SPOPL: variants seen among roughly 807,000 people sequenced by gnomAD.
SPOPL encodes the protein speckle type BTB/POZ protein like.
Under a neutral mutation model 53.8 loss-of-function variants are expected in SPOPL, and 23 were observed. That is an observed-to-expected ratio of 0.43 (90% CI 0.31 to 0.61). The LOEUF (loss-of-function observed/expected upper bound fraction) is 0.61, where lower values mean the gene tolerates loss of function less well. Ranked by LOEUF, SPOPL falls within the 20% of genes least tolerant of loss-of-function variation. The pLI is 0.12. For synonymous variants in SPOPL, 164 were observed against 149.7 expected, an observed-to-expected ratio of 1.10 and a Z score of -0.70; for missense variants, 442 against 466.9, an observed-to-expected ratio of 0.95 and a Z score of 0.49.
At chr2:138,511,202 A>G (rs1270828446) in intron 1 of SPOPL, among the ~76,000 whole-genome samples, 1 of 152,206 alleles carries the variant, frequency 6.6e-6, no homozygotes, top group Non-Finnish European at 1.5e-5. Flanking sequence ...TGGTTTATGC[A>G]TTAATATTGT....
chr2:138,512,191 TATTG>T (rs1164033038), intron 1 of SPOPL, among the ~76,000 whole-genome samples: 24 of 152,348 alleles, frequency 1.6e-4, no homozygotes, highest in Non-Finnish European at 5.9e-5. Flanking sequence ...ATCATTAAAA[TATTG>T]ATTTGTCTTT....
At position 138,569,501 on chromosome 2, in the gene SPOPL, T is replaced by G. The variant is rs562048835; in HGVS notation, c.*421T>G. On this transcript the variant is annotated 3_prime_UTR_variant, in exon 11 of 11. Transcript: ENST00000280098. ...GTTTGTCCTATGCTATCTCAAAGTT[T>G]AAGTTCTCTTTAAAAGCACTTGTAT... The G allele has an allele frequency of 6.5e-6, 1 of 153,868 alleles. No individual in the cohort carries two copies. Among genetic ancestry groups the G allele is most frequent in the Admixed American group, 6.5e-5 (1 of 15,366 alleles). 9.5% of individuals were successfully genotyped at this position (153,868 alleles called of 1,614,324 possible).
chr2:138,547,844 G>A (rs1371138255), intron 1 of SPOPL, among the ~76,000 whole-genome samples: 4 of 152,052 alleles, frequency 2.6e-5, no homozygotes, highest in Non-Finnish European at 5.9e-5. Context: ...ATTTATAAAA[G>A]CAATGTCTTG....
At chr2:138,557,233 A>G (rs1231028678) in intron 5 of SPOPL, among the ~76,000 whole-genome samples, 1 of 152,176 alleles carries the variant, frequency 6.6e-6, no homozygotes, top group Non-Finnish European at 1.5e-5. Context: ...GATTTGGAAC[A>G]CTTTGTTTAC....
intron 1 of SPOPL, among the ~76,000 whole-genome samples, chr2:138,513,295 G>C: frequency 6.6e-6 from 1 of 152,186 alleles, no homozygotes; most frequent in East Asian, 1.9e-4. Flanking sequence ...GGCCCACGCC[G>C]GTAATCCCAG....
intron 1 of SPOPL, among the ~76,000 whole-genome samples, chr2:138,512,857 A>G (rs1056746197): frequency 6.6e-6 from 1 of 152,252 alleles, no homozygotes; most frequent in Non-Finnish European, 1.5e-5. Flanking sequence ...TTGACCTGGA[A>G]GAACTCACTA....
chr2:138,554,303 A>G, intron 5 of SPOPL: 1 of 211,924 alleles, frequency 4.7e-6, no homozygotes, highest in South Asian at 1.4e-4. Flanking sequence ...TGAAATATAC[A>G]TCTTTTTGCT....
chr2:138,520,924 A>C (rs1221225573), intron 1 of SPOPL, among the ~76,000 whole-genome samples: 1 of 152,178 alleles, frequency 6.6e-6, no homozygotes, highest in Non-Finnish European at 1.5e-5. Flanking sequence ...ACATAGGTAC[A>C]CTGGGCTTCG....
chr2:138,534,278 G>GA (rs1230952641), intron 1 of SPOPL, among the ~76,000 whole-genome samples: 1 of 151,428 alleles, frequency 6.6e-6, no homozygotes, highest in Non-Finnish European at 1.5e-5. Flanking sequence ...AAATATATGG[G>GA]AAAAAAAATT....
At chr2:138,554,971 A>G (rs1685390098) in intron 5 of SPOPL, among the ~76,000 whole-genome samples, 1 of 152,128 alleles carries the variant, frequency 6.6e-6, no homozygotes, top group Non-Finnish European at 1.5e-5. Context: ...AAAGAACAGA[A>G]TTTTTATTGG....
intron 1 of SPOPL, among the ~76,000 whole-genome samples, chr2:138,529,544 G>T (rs190957692): frequency 4.2e-4 from 63 of 150,524 alleles, no homozygotes; most frequent in African/African-American, 1.5e-3. Context: ...GTTTGCGTGC[G>T]CGCGCGCTTC....
intron 1 of SPOPL, among the ~76,000 whole-genome samples, chr2:138,525,945 C>T (rs1260100158): frequency 6.6e-6 from 1 of 151,634 alleles, no homozygotes; most frequent in Non-Finnish European, 1.5e-5. Flanking sequence ...ATTGTGCTTG[C>T]TTTTACTTGT....
intron 1 of SPOPL, among the ~76,000 whole-genome samples, chr2:138,520,553 A>G (rs1684534256): frequency 6.6e-6 from 1 of 152,220 alleles, no homozygotes; most frequent in Non-Finnish European, 1.5e-5. Context: ...AGAAGATTTT[A>G]TCTGGAGGAC....
intron 8 of SPOPL, among the ~76,000 whole-genome samples, chr2:138,561,636 G>A (rs1055311156): frequency 3.3e-5 from 5 of 152,052 alleles, no homozygotes; most frequent in African/African-American, 4.8e-5. Flanking sequence ...TCTGACAACT[G>A]CACATGAATC....
intron 1 of SPOPL, among the ~76,000 whole-genome samples, chr2:138,539,039 G>A (rs1283953726): frequency 2.6e-5 from 4 of 152,108 alleles, no homozygotes; most frequent in African/African-American, 9.7e-5. Flanking sequence ...TGAGAATGAC[G>A]GTTTCCAGCT....
rs1685786989 is a variant in SPOPL, at chr2:138,571,773, T to C, written c.*2693T>C. On this transcript the variant is annotated 3_prime_UTR_variant, in exon 11 of 11. Coordinates refer to ENST00000280098, the MANE Select transcript of SPOPL (RefSeq NM_001001664.3). ...TTTTCTGAGAAGGTAGTGAATGGTT[T>C]CAAATGTTGCATACTATAAGAATAA... 1 of 152,632 alleles carries C rather than the reference T, an allele frequency of 6.6e-6. No individual in the cohort carries two copies. Among genetic ancestry groups the C allele is most frequent in the African/African-American group, 2.4e-5 (1 of 41,454 alleles). 9.5% of individuals were successfully genotyped at this position (152,632 alleles called of 1,614,324 possible).
At chr2:138,540,260 T>TA in intron 1 of SPOPL, among the ~76,000 whole-genome samples, 1 of 152,314 alleles carries the variant, frequency 6.6e-6, no homozygotes, top group East Asian at 1.9e-4. Context: ...AACTTGAAAG[T>TA]AGTTTTTTCC....
At chr2:138,550,405 G>A (rs1685288354) in intron 2 of SPOPL, 78 bp from the exon 3 acceptor site, 1 of 1,584,130 alleles carries the variant, frequency 6.3e-7, no homozygotes. Context: ...TAGAAGACTG[G>A]ATCGTAGGAT....
At chr2:138,546,182 T>C (rs987980493) in intron 1 of SPOPL, among the ~76,000 whole-genome samples, 9 of 152,226 alleles carry the variant, frequency 5.9e-5, no homozygotes, top group African/African-American at 2.2e-4. Flanking sequence ...GAAAGTCTTG[T>C]GTATGTTTAT....
Sources: gnomAD v4.1 joint callset for allele counts (sites outside exome capture counted in the v4.1 genomes callset) on GRCh38, gnomAD v4.1.1 for gene constraint, MANE v1.5 for transcripts, NCBI Gene and HGNC (gene_info 2026-07-23, HGNC 2026-07-21) for gene names.